ECT2: variants seen among roughly 807,000 people sequenced by gnomAD.
ECT2 encodes epithelial cell transforming 2.
A neutral mutation model predicts 116.9 loss-of-function variants in ECT2; 61 were observed. That is an observed-to-expected ratio of 0.52 (90% CI 0.42 to 0.65). ECT2 has a LOEUF of 0.65. Ranked by LOEUF, ECT2 falls within the 30% of genes least tolerant of loss-of-function variation. ECT2 has a pLI of 0.00. For missense variants in ECT2, 937 were observed against 1,078.7 expected, an observed-to-expected ratio of 0.87 and a Z score of 1.84; for synonymous variants, 358 against 346.4, an observed-to-expected ratio of 1.03 and a Z score of -0.37.
chr3:172,767,979 G>A (rs963542186), intron 12 of ECT2, among the ~76,000 whole-genome samples: 1 of 152,086 alleles, frequency 6.6e-6, no homozygotes. Flanking sequence ...TGATCTGTCC[G>A]CCTTGGCCTC....
chr3:172,751,387 G>A (rs1481616349), intron 1 of ECT2, among the ~76,000 whole-genome samples: 2 of 152,230 alleles, frequency 1.3e-5, no homozygotes, highest in East Asian at 3.8e-4. Flanking sequence ...GCCGGGCTTT[G>A]AATACCTCTT....
rs1367982822 is a variant in ECT2 at position 172,783,851 on chromosome 3, G to T, written c.1670G>T (p.Ser557Ile). The T allele has an allele frequency of 7.5e-6, 12 of 1,607,342 alleles. No individual in the cohort carries two copies. Among genetic ancestry groups the T allele is most frequent in the Non-Finnish European group, 1.0e-5 (12 of 1,177,094 alleles). ...YPPFVNFFEM[S>I]KETIIKCEKQ... is the part of the protein sequence containing the mutation. ...CCCTTTGTAAACTTCTTTGAAATGAGCAAGGAAACAATTATTAAATGTGAA... is the reference window on the plus strand; with the variant it reads ...CCCTTTGTAAACTTCTTTGAAATGATCAAGGAAACAATTATTAAATGTGAA... The change falls in exon 16 of 25, where the codon AGC (serine) becomes ATC (isoleucine). Residue 557 changes from serine (S) to isoleucine (I), a missense_variant. By Grantham distance (142) the Ser-to-Ile change is moderately radical. Coordinates refer to ENST00000392692, the MANE Select transcript of ECT2 (RefSeq NM_001258315.2).
intron 16 of ECT2, among the ~76,000 whole-genome samples, chr3:172,784,474 A>G (rs1324630632): frequency 6.6e-6 from 1 of 152,138 alleles, no homozygotes; most frequent in Non-Finnish European, 1.5e-5. Flanking sequence ...TGGGATATAT[A>G]GGAGTGTGTA....
intron 18 of ECT2, among the ~76,000 whole-genome samples, chr3:172,788,259 C>T (rs1423483947): frequency 6.6e-6 from 1 of 152,160 alleles, no homozygotes; most frequent in African/African-American, 2.4e-5. Context: ...TAGTCCTTGC[C>T]ATTTAAGCAA....
At chr3:172,829,242 A>C in the ECT2 span, 2 of 291,046 alleles carry the variant, frequency 6.9e-6, no homozygotes, top group East Asian at 1.7e-4. Flanking sequence ...TATTTTAAAA[A>C]AGAAATAAAA....
chr3:172,802,791 T>C, intron 19 of ECT2, 70 bp from the exon 20 acceptor site: 1 of 1,545,488 alleles, frequency 6.5e-7, no homozygotes. Flanking sequence ...CTACTTTCTT[T>C]TAAATTACAA....
At position 172,783,896 on chromosome 3, in the gene ECT2, A is replaced by G; in HGVS notation, c.1715A>G (p.His572Arg). 2.5e-6 allele frequency: 4 copies of G among 1,586,800 alleles called. No homozygotes were observed. The highest frequency in any genetic ancestry group is 3.3e-4 in the Middle Eastern group (2 of 6,004). The change falls in exon 16 of 25, where the codon CAT (histidine) becomes CGT (arginine). Residue 572 changes from histidine to arginine, a missense_variant. Coordinates refer to ENST00000392692, the MANE Select transcript of ECT2 (RefSeq NM_001258315.2). The stretch of plus-strand genomic sequence containing the variant: ...TGTGAAAAACAGAAACCAAGATTTC[A>G]TGCTTTTCTCAAGGTAATGTGTGTT... ...IKCEKQKPRF[H>R]AFLKINQAKP...
rs1490229437 is a variant in ECT2 at position 172,820,880 on chromosome 3, G to A, written c.*643G>A. 1 of 151,880 alleles carries A rather than the reference G, an allele frequency of 6.6e-6. No homozygotes were observed. The highest frequency in any genetic ancestry group is 2.4e-5 in the African/African-American group (1 of 41,408). The allele number at this position is 151,880 out of a possible 1,614,324, so 9.4% of individuals were successfully genotyped here. On this transcript the variant is annotated 3_prime_UTR_variant, in exon 25 of 25. Transcript: ENST00000392692. ...AAAATATTTTTGCAAATTGAGATAA[G>A]GACAGAAAGATTGAGAAACATTGTA...
intron 6 of ECT2, among the ~76,000 whole-genome samples, chr3:172,759,276 G>A (rs1040089276): frequency 6.6e-6 from 1 of 152,106 alleles, no homozygotes; most frequent in African/African-American, 2.4e-5. Context: ...TGGCTGATGT[G>A]AATTAATAGA....
Position 172,786,585 on chromosome 3 carries a change from T to A in ECT2, c.1907+11T>A, listed in dbSNP as rs781716626. 21 of 1,565,414 alleles carry A rather than the reference T, an allele frequency of 1.3e-5. No individual in the cohort carries two copies. The highest frequency in any genetic ancestry group is 1.8e-5 in the Non-Finnish European group (21 of 1,143,094). On this transcript the variant is annotated intron_variant, in intron 18 of 24. Coordinates refer to ENST00000392692, the MANE Select transcript of ECT2 (RefSeq NM_001258315.2). ...GAAGGAAGTAATGACGTAAGTGCAT[T>A]ATTTTCAATTTTTGATTGTGCCTTA...
chr3:172,759,873 A>G (rs1193502106), intron 6 of ECT2, among the ~76,000 whole-genome samples: 4 of 152,212 alleles, frequency 2.6e-5, no homozygotes, highest in Non-Finnish European at 4.4e-5. Context: ...TTTACACAGT[A>G]TGGTATTAAA....
intron 18 of ECT2, among the ~76,000 whole-genome samples, chr3:172,792,013 G>A (rs1295098370): frequency 6.6e-6 from 1 of 152,044 alleles, no homozygotes; most frequent in Non-Finnish European, 1.5e-5. Context: ...TGTATCTCAG[G>A]GAATGGAGAA....
At position 172,769,004 on chromosome 3, in the gene ECT2, C is replaced by T. The variant is rs932508529; in HGVS notation, c.1292-3C>T. On this transcript the variant is annotated splice_polypyrimidine_tract_variant and splice_region_variant and intron_variant, in intron 12 of 24. Transcript: ENST00000392692. ...TAAATCTTTCCACCTTTTAACGTTT[C>T]AGACACCCCAAAGTCTTGTACTAAG... 6.3e-7 allele frequency: 1 copy of T among 1,593,468 alleles called. No homozygotes were observed. The highest frequency in any genetic ancestry group is 8.5e-7 in the Non-Finnish European group (1 of 1,170,022).
chr3:172,768,318 C>T (rs1397432295), intron 12 of ECT2, among the ~76,000 whole-genome samples: 1 of 152,114 alleles, frequency 6.6e-6, no homozygotes, highest in Non-Finnish European at 1.5e-5. Context: ...ATACCTTTTA[C>T]CCAGATTTCC....
chr3:172,822,844 A>C (rs1164383174), downstream of ECT2, among the ~76,000 whole-genome samples: 1 of 152,054 alleles, frequency 6.6e-6, no homozygotes, highest in African/African-American at 2.4e-5. Context: ...ACCATTGAAA[A>C]GTACTAAGAA....
chr3:172,783,652 A>T, intron 15 of ECT2, 147 bp from the exon 16 acceptor site: 1 of 572,450 alleles, frequency 1.7e-6, no homozygotes, highest in Non-Finnish European at 3.1e-6. Flanking sequence ...TTTATAAAAT[A>T]AGTTTGTTCT....
downstream of ECT2, among the ~76,000 whole-genome samples, chr3:172,823,316 A>G (rs1730761576): frequency 6.6e-6 from 1 of 152,162 alleles, no homozygotes; most frequent in Non-Finnish European, 1.5e-5. Flanking sequence ...AAAACAACCT[A>G]ATAGAAAAAT....
chr3:172,753,111 A>C (rs930659466), intron 1 of ECT2, among the ~76,000 whole-genome samples: 3 of 151,756 alleles, frequency 2.0e-5, no homozygotes, highest in Admixed American at 1.3e-4. Context: ...AAATTTTTTT[A>C]GAGAGACAGG....
intron 18 of ECT2, among the ~76,000 whole-genome samples, chr3:172,800,448 A>G (rs1027995610): frequency 6.6e-6 from 1 of 152,200 alleles, no homozygotes; most frequent in African/African-American, 2.4e-5. Flanking sequence ...ATTTTTTTCT[A>G]ATAAAACTCC....
Sources: gnomAD v4.1 joint callset for allele counts (sites outside exome capture counted in the v4.1 genomes callset) on GRCh38, gnomAD v4.1.1 for gene constraint, MANE v1.5 for transcripts, NCBI Gene and HGNC (gene_info 2026-07-23, HGNC 2026-07-21) for gene names.